HACD4: variants seen among roughly 807,000 people sequenced by gnomAD.
The protein encoded by HACD4 is very-long-chain (3R)-3-hydroxyacyl-CoA dehydratase 4.
A neutral mutation model predicts 33.3 loss-of-function variants in HACD4; 35 were observed. That is an observed-to-expected ratio of 1.05 (90% CI 0.80 to 1.39). HACD4 has a LOEUF of 1.39. HACD4 is among the 40% of genes most tolerant of loss of function. The pLI, the probability that HACD4 is intolerant of heterozygous loss-of-function variation, is 0.00. For missense variants in HACD4, 323 were observed against 276.5 expected (o/e 1.17, Z -1.19); for synonymous variants, 118 against 98.0 (o/e 1.20, Z -1.21).
intron 3 of HACD4, among the ~76,000 whole-genome samples, chr9:21,021,848 AT>A (rs1817922369): frequency 1.3e-5 from 2 of 152,192 alleles, no homozygotes; most frequent in African/African-American, 4.8e-5. Context: ...CAAGCTACCA[AT>A]GACTTTCTTC....
rs1485740063 is a variant in HACD4, at chr9:20,999,938, T to C, written c.*7099A>G. 1 of 152,212 alleles carries C rather than the reference T, an allele frequency of 6.6e-6. No homozygotes were observed. The highest frequency in any genetic ancestry group is 1.9e-4 in the East Asian group (1 of 5,206). 9.4% of individuals were successfully genotyped at this position (152,212 alleles called of 1,614,324 possible). On this transcript the variant is annotated 3_prime_UTR_variant, in exon 7 of 7. Transcript: ENST00000495827. ...AAGCCCTTTATAATTTGCAAAAGTT[T>C]AATTTACCATATGTCATTTAGTCTT...
intron 1 of HACD4, 88 bp downstream of exon 1, chr9:21,031,465 C>G: frequency 7.4e-7 from 1 of 1,346,622 alleles, no homozygotes; most frequent in Non-Finnish European, 9.5e-7. Flanking sequence ...CGGGGGGTGC[C>G]GCCCGCCCGC....
intron 3 of HACD4, among the ~76,000 whole-genome samples, chr9:21,023,631 G>C (rs937423434): frequency 2.0e-5 from 3 of 147,396 alleles, no homozygotes; most frequent in African/African-American, 7.5e-5. Context: ...CTGGAGTGCA[G>C]TGGCCTGATC....
chr9:21,020,117 A>T (rs554792706), intron 3 of HACD4, among the ~76,000 whole-genome samples: 1 of 152,218 alleles, frequency 6.6e-6, no homozygotes, highest in East Asian at 1.9e-4. Flanking sequence ...TGGGCTCATA[A>T]ATGGAATCTC....
At position 21,007,046 on chromosome 9, in the gene HACD4, C is replaced by A; in HGVS notation, c.690G>T (p.Lys230Asn). Reference protein sequence around the residue: ...DILGIFPIKKKKM With the variant: ...DILGIFPIKKNKM Reference sequence around the variant, plus strand: ...ACTGGAATGCTGTACTTCACATCTTCTTTTTTTTAATGGGAAAGATTCCGA... The same window carrying A: ...ACTGGAATGCTGTACTTCACATCTTATTTTTTTTAATGGGAAAGATTCCGA... The change falls in exon 7 of 7, where the codon AAG (lysine) becomes AAT (asparagine). Residue 230 changes from lysine (K) to asparagine (N), a missense_variant. Lys to Asn is a moderately conservative substitution (Grantham distance 94). Transcript: ENST00000495827. 1 of 1,554,596 alleles carries A rather than the reference C, an allele frequency of 6.4e-7. No homozygotes were observed. The highest frequency in any genetic ancestry group is 1.1e-5 in the South Asian group (1 of 89,690).
chr9:21,030,387 A>T (rs141946566), intron 1 of HACD4, among the ~76,000 whole-genome samples: 1,956 of 152,260 alleles, frequency 0.013, 36 homozygotes, highest in African/African-American at 0.044. Flanking sequence ...GGCTGCAGTG[A>T]ACCGAGACAG....
intron 2 of HACD4, 151 bp downstream of exon 2, chr9:21,029,144 A>G (rs1374915383): frequency 1.8e-6 from 1 of 555,860 alleles, no homozygotes; most frequent in East Asian, 3.2e-5. Context: ...CCCTTCCCCA[A>G]GAAGGTTTTG....
At chr9:21,021,913 C>T (rs1817924352) in intron 3 of HACD4, among the ~76,000 whole-genome samples, 1 of 152,132 alleles carries the variant, frequency 6.6e-6, no homozygotes, top group African/African-American at 2.4e-5. Context: ...AAAGAGCCCG[C>T]ATCACCAAGA....
At chr9:21,025,037 T>C (rs1334092155) in intron 3 of HACD4, among the ~76,000 whole-genome samples, 1 of 152,186 alleles carries the variant, frequency 6.6e-6, no homozygotes, top group Non-Finnish European at 1.5e-5. Flanking sequence ...TGCTCCCAGA[T>C]ACTATGTTGC....
At chr9:21,007,369 T>G (rs1842296015) in intron 6 of HACD4, among the ~76,000 whole-genome samples, 1 of 152,140 alleles carries the variant, frequency 6.6e-6, no homozygotes, top group Non-Finnish European at 1.5e-5. Context: ...CTCTCCACCT[T>G]CCTCTAAAGT....
chr9:21,019,219 CATG>C (rs1206839893), intron 3 of HACD4, among the ~76,000 whole-genome samples: 3 of 152,080 alleles, frequency 2.0e-5, no homozygotes, highest in Non-Finnish European at 4.4e-5. Context: ...CCCCTGCCTT[CATG>C]ATATTTATAT....
rs550904450 is a variant in HACD4, at chr9:21,007,405, T to C, written c.617-286A>G. Among the ~76,000 whole-genome samples, 6 of 152,340 alleles carry C rather than the reference T, an allele frequency of 3.9e-5. No homozygotes were observed. In the East Asian group the frequency reaches 1.2e-3, roughly 29 times the overall value. The stretch of plus-strand genomic sequence containing the variant: ...TTCACATTTTTGTCTTTTCTCTCTA[T>C]ATGTTGTTCATATGTTTGATATCTG... On this transcript the variant is annotated intron_variant, in intron 6 of 6. Coordinates refer to ENST00000495827, the MANE Select transcript of HACD4 (RefSeq NM_001010915.5).
At chr9:21,010,456 ACCCC>A (rs57375934) in intron 5 of HACD4, among the ~76,000 whole-genome samples, 2 of 105,048 alleles carry the variant, frequency 1.9e-5, no homozygotes, top group Non-Finnish European at 3.8e-5. Context: ...ACATCCTGGT[ACCCC>A]CCCCCCCCCC....
At chr9:21,017,397 T>G (rs188512041) in intron 3 of HACD4, among the ~76,000 whole-genome samples, 3 of 151,512 alleles carry the variant, frequency 2.0e-5, no homozygotes, top group East Asian at 3.9e-4. Flanking sequence ...TACATAGCTG[T>G]TTTTCTTTTT....
rs371613522 is a variant in HACD4, at chr9:21,031,264, G to C, written c.38+289C>G. Reference sequence around the variant, plus strand: ...GAGAAAGTCAAGAGAAGGCTCCTGGGGGGAGGGAAGTACTGGCAGAGGGCT... The same window carrying C: ...GAGAAAGTCAAGAGAAGGCTCCTGGCGGGAGGGAAGTACTGGCAGAGGGCT... On this transcript the variant is annotated intron_variant, in intron 1 of 6. Coordinates refer to ENST00000495827, the MANE Select transcript of HACD4 (RefSeq NM_001010915.5). 4.1e-4 allele frequency: 70 copies of C among 171,022 alleles called. 1 individual carries two copies. In the East Asian group the frequency reaches 6.9e-3, roughly 17 times the overall value. The allele number at this position is 171,022 out of a possible 1,614,324, so 10.6% of individuals were successfully genotyped here.
At chr9:21,029,784 T>C (rs776924192) in intron 1 of HACD4, among the ~76,000 whole-genome samples, 9 of 152,330 alleles carry the variant, frequency 5.9e-5, no homozygotes, top group African/African-American at 9.6e-5. Context: ...GGTGGAATCA[T>C]CTGGCAACAC....
intron 3 of HACD4, chr9:21,017,868 G>A (rs754226664): frequency 2.6e-5 from 4 of 152,188 alleles, no homozygotes; most frequent in Non-Finnish European, 5.9e-5. Context: ...TATCCATGAT[G>A]TCAGGTCATC....
Position 21,002,895 on chromosome 9 carries a change from A to ATGT in HACD4, c.*4141_*4142insACA. The ATGT allele has an allele frequency of 6.6e-6, 1 of 152,206 alleles. No individual in the cohort carries two copies. Among genetic ancestry groups the ATGT allele is most frequent in the Non-Finnish European group, 1.5e-5 (1 of 68,006 alleles). 9.4% of individuals were successfully genotyped at this position (152,206 alleles called of 1,614,324 possible). The stretch of plus-strand genomic sequence containing the variant: ...TTAAGACAGATAGTCAAAGACATCA[A>ATGT]CTTTGCGATTTTGGTAACATCCGAT... On this transcript the variant is annotated 3_prime_UTR_variant, in exon 7 of 7. Transcript: ENST00000495827.
intron 6 of HACD4, 22 bp from the exon 7 acceptor site, chr9:21,007,141 C>T (rs749592998): frequency 1.7e-6 from 2 of 1,202,490 alleles, no homozygotes; most frequent in South Asian, 2.4e-5. Context: ...AAAGAAGTTG[C>T]AAAAGTAAGT....
Sources: gnomAD v4.1 joint callset for allele counts (sites outside exome capture counted in the v4.1 genomes callset) on GRCh38, gnomAD v4.1.1 for gene constraint, MANE v1.5 for transcripts, NCBI Gene and HGNC (gene_info 2026-07-23, HGNC 2026-07-21) for gene names.